The following BMI1 variants were observed in gnomAD, a reference collection of about 807,000 sequenced individuals.
BMI1 encodes BMI1 proto-oncogene, polycomb ring finger.
A neutral mutation model predicts 39.1 loss-of-function variants in BMI1; 9 were observed. The ratio of observed to expected loss-of-function variants is 0.23; its 90% CI spans 0.14 to 0.40. The LOEUF is 0.40. Among genes scored for constraint, BMI1 ranks in the 10% least tolerant of loss-of-function variants. The pLI, the probability that BMI1 is intolerant of heterozygous loss-of-function variation, is 1.00. For synonymous variants in BMI1, 131 were observed against 127.9 expected, an observed-to-expected ratio of 1.02 and a Z score of -0.16; for missense variants, 252 against 390.8, an observed-to-expected ratio of 0.64 and a Z score of 2.99.
intron 1 of BMI1, among the ~76,000 whole-genome samples, chr10:22,322,738 A>G (rs1366295442): frequency 1.3e-5 from 2 of 152,202 alleles, no homozygotes; most frequent in African/African-American, 4.8e-5. Context: ...ACTATCTTTT[A>G]CAGGTTTTGC....
At position 22,331,343 on chromosome 10, in the gene BMI1, A is replaced by G. The variant is rs943533526; in HGVS notation, c.*1801A>G. 20 of 152,192 alleles carry G rather than the reference A, an allele frequency of 1.3e-4. No individual in the cohort carries two copies. Among genetic ancestry groups the G allele is most frequent in the Non-Finnish European group, 2.5e-4 (17 of 67,974 alleles). 9.4% of individuals were successfully genotyped at this position (152,192 alleles called of 1,614,324 possible). A position where few individuals can be genotyped will look rare whatever the true frequency, so the allele number is the denominator to read the frequency against. On this transcript the variant is annotated 3_prime_UTR_variant, in exon 10 of 10. Coordinates refer to ENST00000376663, the MANE Select transcript of BMI1 (RefSeq NM_005180.9). The stretch of plus-strand genomic sequence containing the variant: ...AAACCTATAGAGGATTACAACAGGT[A>G]AACGTTAAAGAGAATACATTGCTGA...
intron 1 of BMI1, among the ~76,000 whole-genome samples, chr10:22,323,229 C>T (rs939146733): frequency 6.6e-6 from 1 of 152,048 alleles, no homozygotes; most frequent in Non-Finnish European, 1.5e-5. Context: ...TTAAGTAGAC[C>T]GATCAGAAAT....
At chr10:22,322,187 CGG>C (rs1332888177) in intron 1 of BMI1, 2 of 152,044 alleles carry the variant, frequency 1.3e-5, no homozygotes, top group African/African-American at 4.8e-5. Context: ...TTGGATGAAA[CGG>C]GGACGGGTTC....
chr10:22,327,241 T>A (rs1447030784), intron 3 of BMI1, among the ~76,000 whole-genome samples: 1 of 152,218 alleles, frequency 6.6e-6, no homozygotes, highest in African/African-American at 2.4e-5. Context: ...TAGTTCACCT[T>A]TTTTGCATTG....
At chr10:22,325,552 G>T (rs1223769777) in intron 1 of BMI1, 1 of 144,094 alleles carries the variant, frequency 6.9e-6, no homozygotes, top group Non-Finnish European at 1.5e-5. Context: ...TCGTGGGGCT[G>T]CCCCGCCCCC....
chr10:22,321,494 A>T lies in BMI1; in HGVS notation c.-222A>T, dbSNP rs377088103. 1.2e-4 allele frequency: 19 copies of T among 156,726 alleles called. No individual in the cohort carries two copies. The highest frequency in any genetic ancestry group is 1.1e-3 in the Admixed American group (17 of 15,276). 9.7% of individuals were successfully genotyped at this position (156,726 alleles called of 1,614,324 possible). A position where few individuals can be genotyped will look rare whatever the true frequency, so the allele number is the denominator to read the frequency against. On this transcript the variant is annotated 5_prime_UTR_variant, in exon 1 of 10. Transcript: ENST00000376663. ...CCGGAGGAGGCCGAGGCGCCGGAGC[A>T]GGAGGAGGCCGGCCGGAGGCGGCAT...
chr10:22,323,230 G>T (rs769172822), intron 1 of BMI1, among the ~76,000 whole-genome samples: 1 of 152,174 alleles, frequency 6.6e-6, no homozygotes, highest in Non-Finnish European at 1.5e-5. Context: ...TAAGTAGACC[G>T]ATCAGAAATC....
At position 22,326,445 on chromosome 10, in the gene BMI1, C is replaced by G; in HGVS notation, c.-5C>G. ...GTGTCTTGCAGGATTTTTTATCAAGCAGAAATGCATCGAACAACGAGAATC... is the reference window on the plus strand; with the variant it reads ...GTGTCTTGCAGGATTTTTTATCAAGGAGAAATGCATCGAACAACGAGAATC... On this transcript the variant is annotated 5_prime_UTR_variant, in exon 2 of 10. Transcript: ENST00000376663. 1 of 1,612,848 alleles carries G rather than the reference C, an allele frequency of 6.2e-7. No individual in the cohort carries two copies. The highest frequency in any genetic ancestry group is 8.5e-7 in the Non-Finnish European group (1 of 1,179,998).
In BMI1 at chr10:22,330,065, C is replaced by G. The variant is rs1042099; in HGVS notation, c.*523C>G. 1,816 of 153,398 alleles carry G rather than the reference C, an allele frequency of 0.012. 11 individuals carry two copies. The highest frequency in any genetic ancestry group is 0.019 in the Non-Finnish European group (1,300 of 68,536). 9.5% of individuals were successfully genotyped at this position (153,398 alleles called of 1,614,324 possible). ...TCTTGCATATTTAGCCATTTTGATT[C>G]CTGTTTGATTTATACTTCTCTGTTG... On this transcript the variant is annotated 3_prime_UTR_variant, in exon 10 of 10. Transcript: ENST00000376663.
rs375478127 is a variant in BMI1 at position 22,327,663 on chromosome 10, C to A, written c.265+13C>A. The A allele has an allele frequency of 1.2e-6, 2 of 1,612,980 alleles. No individual in the cohort carries two copies. The highest frequency in any genetic ancestry group is 2.2e-5 in the South Asian group (2 of 90,988). ...GGGCTTTTCAAAAGTGAGTAACTTG[C>A]TTAGAAAATGAATTTAAAGAGATTA... is the stretch of plus-strand genomic sequence containing the variant. On this transcript the variant is annotated intron_variant, in intron 4 of 9. Coordinates refer to ENST00000376663, the MANE Select transcript of BMI1 (RefSeq NM_005180.9).
intron 1 of BMI1, among the ~76,000 whole-genome samples, 164 bp downstream of exon 1, chr10:22,321,860 C>CGCCCCGCGCCTGCCG (rs1310457682): frequency 1.1e-4 from 16 of 143,750 alleles, no homozygotes; most frequent in South Asian, 2.1e-4. Flanking sequence ...CCGCGCCGCC[C>CGCCCCGCGCCTGCCG]GCCCCGCGCC....
At chr10:22,326,689 C>T (rs2132005101) in intron 2 of BMI1, 128 bp downstream of exon 2, 3 of 1,431,138 alleles carry the variant, frequency 2.1e-6, no homozygotes, top group African/African-American at 1.4e-5. Context: ...GCATTTTCTT[C>T]TCTTGCATCT....
intron 7 of BMI1, 66 bp downstream of exon 7, chr10:22,328,245 T>C: frequency 6.5e-7 from 1 of 1,526,728 alleles, no homozygotes; most frequent in Non-Finnish European, 8.8e-7. Flanking sequence ...TATCAGGGAT[T>C]GTGTTGCCCT....
chr10:22,329,077 A>G lies in BMI1; in HGVS notation c.600A>G (p.Leu200=), dbSNP rs759855706. The G allele has an allele frequency of 3.7e-6, 6 of 1,610,736 alleles. No individual in the cohort carries two copies. The South Asian group carries it at 5.6e-5, about 15-fold the overall frequency. ...ATGTCATGTATGAGGAGGAACCTTT[A>G]AAGGATTATTATACACTAATGGATA... ...QIDVMYEEEP[L]KDYYTLMDIA... The change falls in exon 9 of 10, where the codon TTA becomes TTG. Residue 200 remains leucine, a synonymous_variant. Coordinates refer to ENST00000376663, the MANE Select transcript of BMI1 (RefSeq NM_005180.9).
Position 22,329,367 on chromosome 10 carries a change from C to G in BMI1, c.806C>G (p.Ser269Cys), listed in dbSNP as rs753450025. The G allele has an allele frequency of 6.2e-7, 1 of 1,614,192 alleles. No homozygotes were observed. Among genetic ancestry groups the G allele is most frequent in the South Asian group, 1.1e-5 (1 of 91,092 alleles). ...CCAGCAGGAGGTATTCCCTCCACCT[C>G]TTCTTGTTTGCCTAGCCCCAGTACT... is the stretch of plus-strand genomic sequence containing the variant. Reference protein sequence around the residue: ...NSPAGGIPSTSSCLPSPSTPV... With the variant: ...NSPAGGIPSTCSCLPSPSTPV... The change falls in exon 10 of 10, where the codon TCT becomes TGT. Residue 269 changes from serine to cysteine, a missense_variant. This residue lies in a region of BMI1 where 96 missense variants were observed against 120.2 expected (regional missense o/e 0.80). Coordinates refer to ENST00000376663, the MANE Select transcript of BMI1 (RefSeq NM_005180.9).
intron 1 of BMI1, among the ~76,000 whole-genome samples, chr10:22,323,434 A>G (rs915297768): frequency 1.3e-5 from 2 of 152,354 alleles, no homozygotes; most frequent in Admixed American, 6.5e-5. Context: ...TAAGAAAATT[A>G]AGCATTTAAT....
At chr10:22,328,901 T>C in intron 8 of BMI1, 147 bp from the exon 9 acceptor site, 1 of 1,012,456 alleles carries the variant, frequency 9.9e-7, no homozygotes, top group Non-Finnish European at 1.4e-6. Flanking sequence ...AGAAATAATT[T>C]TTTCTCATTT....
intron 1 of BMI1, chr10:22,326,037 T>G (rs1836141800): frequency 6.4e-6 from 1 of 155,312 alleles, no homozygotes; most frequent in South Asian, 1.9e-4. Flanking sequence ...GAGGAAGTTT[T>G]ATAATAAATT....
rs999624976 is a variant in BMI1, at chr10:22,329,672, A to T, written c.*130A>T. 1 of 1,134,552 alleles carries T rather than the reference A, an allele frequency of 8.8e-7. No homozygotes were observed. Among genetic ancestry groups the T allele is most frequent in the African/African-American group, 1.6e-5 (1 of 63,566 alleles). 70.3% of individuals were successfully genotyped at this position (1,134,552 alleles called of 1,614,324 possible). A position where few individuals can be genotyped will look rare whatever the true frequency, so the allele number is the denominator to read the frequency against. ...TTGCTTTCTTTTGTAGTGACATTAA[A>T]TTTGGCTATAAAAGATGGACTACAT... On this transcript the variant is annotated 3_prime_UTR_variant, in exon 10 of 10. Transcript: ENST00000376663.
Sources: gnomAD v4.1 joint callset for allele counts (sites outside exome capture counted in the v4.1 genomes callset) on GRCh38, gnomAD v4.1.1 for gene constraint, gnomAD v4.1.1 regional missense constraint, MANE v1.5 for transcripts, NCBI Gene and HGNC (gene_info 2026-07-23, HGNC 2026-07-21) for gene names.